CDC42BPB: variants seen among roughly 807,000 people sequenced by gnomAD.
CDC42BPB encodes the protein serine/threonine-protein kinase MRCK beta.
Under a neutral mutation model 214.9 loss-of-function variants are expected in CDC42BPB, and 37 were observed. The ratio of observed to expected loss-of-function variants is 0.17; its 90% confidence interval spans 0.13 to 0.23. CDC42BPB has a LOEUF of 0.23. Ranked by LOEUF, CDC42BPB falls within the 10% of genes least tolerant of loss-of-function variation. CDC42BPB has a pLI of 1.00. For synonymous variants in CDC42BPB, 931 were observed against 884.0 expected (o/e 1.05, Z -0.94); for missense variants, 1,694 against 2,227.0 (o/e 0.76, Z 4.82).
chr14:102,940,242 G>A lies in CDC42BPB; in HGVS notation c.4491C>T (p.Thr1497=), dbSNP rs756993175. The part of the protein sequence containing the change: ...FDVRTMEWVQ[T]IGLRRIRPLN... ...GCCGCCTTACCCTCCGCAGGCCGATGGTCTGCACCCACTCCATGGTGCGCA... is the reference window on the plus strand; with the variant it reads ...GCCGCCTTACCCTCCGCAGGCCGATAGTCTGCACCCACTCCATGGTGCGCA... The change falls in exon 31 of 37, where the codon ACC becomes ACT. Residue 1497 remains threonine, a synonymous_variant. Coordinates refer to ENST00000361246, the MANE Select transcript of CDC42BPB (RefSeq NM_006035.4). 6.2e-7 allele frequency: 1 copy of A among 1,601,698 alleles called. No homozygotes were observed. Among genetic ancestry groups the A allele is most frequent in the South Asian group, 1.1e-5 (1 of 89,500 alleles).
chr14:103,057,444 GCCGCCCTCAGCC>G lies in CDC42BPB; in HGVS notation c.-283_-272del, dbSNP rs1235935850. Reference sequence around the variant, plus strand: ...CTCCCAGCTCGGGCGGCCCGCCCCCGCCGCCCTCAGCCCCGCCCGCGGCCGCGCCCTCCCCGC... The same window carrying G: ...CTCCCAGCTCGGGCGGCCCGCCCCCGCCGCCCGCGGCCGCGCCCTCCCCGC... On this transcript the variant is annotated 5_prime_UTR_variant, in exon 1 of 37. Transcript: ENST00000361246. 6.9e-6 allele frequency: 3 copies of G among 437,266 alleles called. No individual in the cohort carries two copies. The highest frequency in any genetic ancestry group is 9.0e-6 in the Non-Finnish European group (3 of 331,518). 27.1% of individuals were successfully genotyped at this position (437,266 alleles called of 1,614,324 possible). A position where few individuals can be genotyped will look rare whatever the true frequency, so the allele number is the denominator to read the frequency against.
chr14:103,008,679 CA>C, intron 2 of CDC42BPB, 124 bp from the exon 3 acceptor site: 1 of 1,470,222 alleles, frequency 6.8e-7, no homozygotes, highest in Non-Finnish European at 9.0e-7. Context: ...GACCGAAAGC[CA>C]AGTTTCCCAC....
rs985797418 is a variant in CDC42BPB, at chr14:102,944,676, G to A, written c.3812-189C>T. 1.3e-5 allele frequency: 13 copies of A among 985,136 alleles called. No individual in the cohort carries two copies. The highest frequency in any genetic ancestry group is 3.5e-5 in the African/African-American group (2 of 57,190). 61.0% of individuals were successfully genotyped at this position (985,136 alleles called of 1,614,324 possible). A position where few individuals can be genotyped will look rare whatever the true frequency, so the allele number is the denominator to read the frequency against. On this transcript the variant is annotated intron_variant, in intron 29 of 36. Coordinates refer to ENST00000361246, the MANE Select transcript of CDC42BPB (RefSeq NM_006035.4). This position sits in a 1 kb window ranked among gnomAD's most constrained non-coding sequence, Gnocchi z 6.6. ...AGAGCCAGTGGCTTGAACGCCCCCC[G>A]GAGAAGCTGCCCCACATCCACAGCG...
intron 21 of CDC42BPB, among the ~76,000 whole-genome samples, chr14:102,957,500 G>A (rs1341895542): frequency 3.9e-5 from 6 of 152,204 alleles, no homozygotes; most frequent in African/African-American, 9.7e-5. Flanking sequence ...GCCCGGCTCC[G>A]CAGCAACGAG....
chr14:103,051,361 T>G (rs557699946), intron 1 of CDC42BPB, among the ~76,000 whole-genome samples: 1 of 150,132 alleles, frequency 6.7e-6, no homozygotes, highest in African/African-American at 2.5e-5. Context: ...CAAGGACTAA[T>G]AGGTATTATG....
At chr14:103,046,114 A>G (rs1396579044) in intron 1 of CDC42BPB, among the ~76,000 whole-genome samples, 1 of 152,108 alleles carries the variant, frequency 6.6e-6, no homozygotes, top group Non-Finnish European at 1.5e-5. Context: ...TGGGCACAAA[A>G]GAGCATCCGC....
In CDC42BPB at chr14:103,011,849, T is replaced by G. The variant is rs556015786; in HGVS notation, c.267+248A>C. 1.4e-3 allele frequency among the ~76,000 whole-genome samples: 213 copies of G among 152,060 alleles called. 2 individuals carry two copies. Among genetic ancestry groups the G allele is most frequent in the African/African-American group, 4.9e-3 (205 of 41,478 alleles). The stretch of plus-strand genomic sequence containing the variant: ...GAGTCTCCTTTCTCTTCATTCTATC[T>G]TTCAGATTTTCTCCCCAGCTCCTTG... On this transcript the variant is annotated intron_variant, in intron 2 of 36. Coordinates refer to ENST00000361246, the MANE Select transcript of CDC42BPB (RefSeq NM_006035.4).
At chr14:102,998,531 C>T (rs905558404) in intron 5 of CDC42BPB, among the ~76,000 whole-genome samples, 1 of 152,210 alleles carries the variant, frequency 6.6e-6, no homozygotes, top group African/African-American at 2.4e-5. Context: ...AAACAAACCA[C>T]AGGACTGAAT....
intron 5 of CDC42BPB, among the ~76,000 whole-genome samples, chr14:102,987,907 G>A (rs189024954): frequency 1.8e-4 from 27 of 151,958 alleles, no homozygotes; most frequent in Admixed American, 4.6e-4. Context: ...TTGGGAGGCA[G>A]AGGCTGTAGT....
rs36211133 is a variant in CDC42BPB, at chr14:102,940,429, A to G, written c.4409-105T>C. The G allele has an allele frequency of 4.6e-4, 695 of 1,524,768 alleles. 4 individuals carry two copies. In the East Asian group the frequency reaches 0.013, roughly 29 times the overall value. 94.5% of individuals were successfully genotyped at this position (1,524,768 alleles called of 1,614,324 possible). On this transcript the variant is annotated intron_variant, in intron 30 of 36. Transcript: ENST00000361246. ...GCACTTGAACAAGTGCAGAGGCGGC[A>G]GCACTGCCCTCAGCTGGTTCACGTC...
intron 12 of CDC42BPB, among the ~76,000 whole-genome samples, chr14:102,973,573 G>C (rs2239660): frequency 0.43 from 65,097 of 152,190 alleles, 16,851 homozygotes; most frequent in East Asian, 0.75. Flanking sequence ...GGGAGGGCCT[G>C]GCTCGGGACG....
chr14:102,970,490 T>A, intron 13 of CDC42BPB: 1 of 469,860 alleles, frequency 2.1e-6, no homozygotes, highest in Non-Finnish European at 2.8e-6. Context: ...AATTGACACT[T>A]AAATTTCAAG....
intron 5 of CDC42BPB, 129 bp from the exon 6 acceptor site, chr14:102,986,709 T>C (rs1422704990): frequency 1.5e-6 from 2 of 1,377,254 alleles, no homozygotes; most frequent in South Asian, 1.7e-5. Context: ...CACCATCCAG[T>C]ACAAATGCCT....
intron 25 of CDC42BPB, 143 bp downstream of exon 25, chr14:102,950,323 T>C: frequency 8.6e-7 from 1 of 1,161,976 alleles, no homozygotes; most frequent in Non-Finnish European, 1.2e-6. Flanking sequence ...ATGGCCTCAG[T>C]GCCCAGGAGG....
intron 3 of CDC42BPB, among the ~76,000 whole-genome samples, chr14:103,007,766 G>A (rs572515839): frequency 5.4e-4 from 81 of 149,118 alleles, no homozygotes; most frequent in Non-Finnish European, 8.3e-4. Context: ...GGAGAGGATG[G>A]AGCATGATGG....
intron 26 of CDC42BPB, among the ~76,000 whole-genome samples, chr14:102,948,650 T>G (rs1435093896): frequency 1.4e-3 from 43 of 31,522 alleles, no homozygotes; most frequent in South Asian, 1.9e-3. Context: ...GGGGGGTGGG[T>G]TTGGAGGTGG....
At position 102,969,832 on chromosome 14, in the gene CDC42BPB, C is replaced by T. The variant is rs533624697; in HGVS notation, c.1995+319G>A. Among the ~76,000 whole-genome samples, 10 of 152,340 alleles carry T rather than the reference C, an allele frequency of 6.6e-5. No homozygotes were observed. The South Asian group carries it at 2.1e-3, about 32-fold the overall frequency. ...CTCAACTGCACCGAATTTAGAATAC[C>T]ACGATGTGAAGAAGGCTATGAATTG... On this transcript the variant is annotated intron_variant, in intron 14 of 36. Coordinates refer to ENST00000361246, the MANE Select transcript of CDC42BPB (RefSeq NM_006035.4).
At chr14:102,985,568 CAA>C (rs1185871091) in intron 6 of CDC42BPB, among the ~76,000 whole-genome samples, 10 of 152,344 alleles carry the variant, frequency 6.6e-5, no homozygotes, top group Admixed American at 2.6e-4. Context: ...CTATTAAAAA[CAA>C]GAGACTGGCT....
intron 6 of CDC42BPB, among the ~76,000 whole-genome samples, chr14:102,986,094 A>G (rs2139538572): frequency 6.6e-6 from 1 of 152,080 alleles, no homozygotes; most frequent in Middle Eastern, 3.4e-3. Context: ...ACCTGCCCCA[A>G]CACAAGTGAG....
Sources: allele counts gnomAD v4.1 joint callset (sites outside exome capture counted in the v4.1 genomes callset), GRCh38; gene constraint gnomAD v4.1.1; non-coding constraint Gnocchi (gnomAD v3.1); transcripts MANE v1.5; gene names NCBI Gene and HGNC (gene_info 2026-07-23, HGNC 2026-07-21).